The following ITFG1 variants were observed in gnomAD, a reference collection of about 807,000 sequenced individuals.
ITFG1 encodes the protein integrin alpha FG-GAP repeat containing 1.
Under a neutral mutation model 81.8 loss-of-function variants are expected in ITFG1, and 34 were observed. The observed-to-expected ratio is 0.42, with a 90% confidence interval of 0.32 to 0.55. The LOEUF is 0.55. Among genes scored for constraint, ITFG1 ranks in the 20% least tolerant of loss-of-function variants. The probability of loss-of-function intolerance (pLI) is 0.17; values close to 1 mark genes in which losing one functional copy is unlikely to be tolerated. For synonymous variants in ITFG1, 285 were observed against 270.6 expected (o/e 1.05, Z -0.52); for missense variants, 672 against 755.4 (o/e 0.89, Z 1.29).
At chr16:47,156,836 T>C (rs1964717661) in intron 17 of ITFG1, among the ~76,000 whole-genome samples, 1 of 152,212 alleles carries the variant, frequency 6.6e-6, no homozygotes, top group South Asian at 2.1e-4. Flanking sequence ...GGAAGTCATA[T>C]GCAGGCCAGG....
chr16:47,268,774 A>C (rs1008711126), intron 10 of ITFG1, among the ~76,000 whole-genome samples: 2 of 152,258 alleles, frequency 1.3e-5, no homozygotes, highest in Non-Finnish European at 2.9e-5. Flanking sequence ...CATCTTGCAA[A>C]GTGAACACTG....
At chr16:47,195,439 T>C (rs1965346443) in intron 14 of ITFG1, among the ~76,000 whole-genome samples, 1 of 152,202 alleles carries the variant, frequency 6.6e-6, no homozygotes, top group Non-Finnish European at 1.5e-5. Context: ...TCTCATGTCA[T>C]TTATCCATAT....
chr16:47,195,496 T>A (rs1010040642), intron 14 of ITFG1, among the ~76,000 whole-genome samples: 21 of 151,990 alleles, frequency 1.4e-4, no homozygotes, highest in African/African-American at 5.1e-4. Context: ...TTAAACAAAG[T>A]TTTTTTTAGC....
chr16:47,291,033 C>T (rs540337093), intron 10 of ITFG1, among the ~76,000 whole-genome samples: 25 of 152,078 alleles, frequency 1.6e-4, no homozygotes, highest in Non-Finnish European at 3.2e-4. Flanking sequence ...TGCTAGATCT[C>T]GGACTACCTT....
chr16:47,326,902 A>T (rs1325991691), intron 8 of ITFG1, among the ~76,000 whole-genome samples: 1 of 152,206 alleles, frequency 6.6e-6, no homozygotes, highest in Non-Finnish European at 1.5e-5. Flanking sequence ...ATAGTGCCCA[A>T]GGTAATTTAT....
At chr16:47,267,716 A>C (rs944268656) in intron 10 of ITFG1, among the ~76,000 whole-genome samples, 1 of 152,168 alleles carries the variant, frequency 6.6e-6, no homozygotes, top group African/African-American at 2.4e-5. Flanking sequence ...ATTTTCTCTG[A>C]TCATAATGGA....
At chr16:47,254,041 G>C (rs1167111984) in intron 12 of ITFG1, among the ~76,000 whole-genome samples, 2 of 152,002 alleles carry the variant, frequency 1.3e-5, no homozygotes, top group Admixed American at 6.6e-5. Context: ...AACTAAATAT[G>C]CACATTTTGA....
At chr16:47,443,313 G>C (rs1386163109) in intron 5 of ITFG1, among the ~76,000 whole-genome samples, 1 of 152,168 alleles carries the variant, frequency 6.6e-6, no homozygotes. Flanking sequence ...GTGTAAACTA[G>C]TTCAACCATT....
chr16:47,334,236 C>G (rs1294789689), intron 8 of ITFG1, among the ~76,000 whole-genome samples: 4 of 151,998 alleles, frequency 2.6e-5, no homozygotes, highest in Admixed American at 2.6e-4. Flanking sequence ...ACTGCTTGAG[C>G]CCAGGAGTTC....
chr16:47,438,536 CT>C (rs1200928567), intron 5 of ITFG1, among the ~76,000 whole-genome samples: 1 of 152,196 alleles, frequency 6.6e-6, no homozygotes, highest in Non-Finnish European at 1.5e-5. Context: ...CCAATATTCG[CT>C]GTTCTGCAGC....
At chr16:47,227,017 A>G (rs778041137) in intron 13 of ITFG1, among the ~76,000 whole-genome samples, 8 of 152,172 alleles carry the variant, frequency 5.3e-5, no homozygotes, top group Non-Finnish European at 1.2e-4. Flanking sequence ...GGGTCCATAG[A>G]CCAAGAAGTT....
rs1965838016 is a variant in ITFG1, at chr16:47,233,405, G to A, written c.1374+4560C>T. 2.0e-5 allele frequency among the ~76,000 whole-genome samples: 3 copies of A among 152,198 alleles called. No individual in the cohort carries two copies. In the South Asian group the frequency reaches 6.2e-4, roughly 32 times the overall value. ...AGGCTCAGTGTAGACTAGCTTCAGT[G>A]TTCAAAACTCCAAGGGTTCAGGGCA... On this transcript the variant is annotated intron_variant, in intron 13 of 17. Coordinates refer to ENST00000320640, the MANE Select transcript of ITFG1 (RefSeq NM_030790.5).
At chr16:47,438,936 A>G (rs1435652758) in intron 5 of ITFG1, among the ~76,000 whole-genome samples, 1 of 152,028 alleles carries the variant, frequency 6.6e-6, no homozygotes, top group Non-Finnish European at 1.5e-5. Flanking sequence ...CAAAACTTTG[A>G]AAAAAAATTA....
chr16:47,365,376 A>G (rs1182257925), intron 8 of ITFG1, among the ~76,000 whole-genome samples: 1 of 151,158 alleles, frequency 6.6e-6, no homozygotes, highest in East Asian at 1.9e-4. Context: ...ATAGACATTA[A>G]TCTGCTTTAA....
At chr16:47,193,441 G>A (rs904064681) in intron 14 of ITFG1, among the ~76,000 whole-genome samples, 5 of 151,904 alleles carry the variant, frequency 3.3e-5, no homozygotes, top group East Asian at 1.9e-4. Context: ...TCTTTAAAAC[G>A]TAAAATATAG....
At chr16:47,433,130 A>C (rs951628415) in intron 5 of ITFG1, among the ~76,000 whole-genome samples, 1 of 152,212 alleles carries the variant, frequency 6.6e-6, no homozygotes, top group African/African-American at 2.4e-5. Context: ...GAAAAACTCA[A>C]CTACCTTGTG....
At chr16:47,263,466 T>C (rs1966235718) in intron 10 of ITFG1, 4 of 382,132 alleles carry the variant, frequency 1.0e-5, no homozygotes, top group South Asian at 9.5e-5. Context: ...GACAATGCAG[T>C]TGATCTTCAT....
chr16:47,444,128 T>C (rs1169860785), intron 5 of ITFG1, among the ~76,000 whole-genome samples: 1 of 152,170 alleles, frequency 6.6e-6, no homozygotes, highest in Non-Finnish European at 1.5e-5. Context: ...TCAAGGAATA[T>C]TATAAAAACT....
chr16:47,437,681 G>A (rs1201382108), intron 5 of ITFG1, among the ~76,000 whole-genome samples: 1 of 152,144 alleles, frequency 6.6e-6, no homozygotes, highest in Non-Finnish European at 1.5e-5. Flanking sequence ...CTACATGTTT[G>A]AAATGTTCCA....
Sources: allele counts gnomAD v4.1 joint callset (sites outside exome capture counted in the v4.1 genomes callset), GRCh38; gene constraint gnomAD v4.1.1; transcripts MANE v1.5; gene names NCBI Gene and HGNC (gene_info 2026-07-23, HGNC 2026-07-21).